RSBN1L: variants seen among roughly 807,000 people sequenced by gnomAD.
RSBN1L encodes the protein round spermatid basic protein 1 like, also known as lysine-specific demethylase RSBN1L.
A neutral mutation model predicts 67.7 loss-of-function variants in RSBN1L; 30 were observed. The observed-to-expected ratio is 0.44, with a 90% CI of 0.33 to 0.60. The LOEUF (loss-of-function observed/expected upper bound fraction) is 0.60, where lower values mean the gene tolerates loss of function less well. Ranked by LOEUF, RSBN1L falls within the 20% of genes least tolerant of loss-of-function variation. The pLI is 0.02. For missense variants in RSBN1L, 992 were observed against 1,031.7 expected (o/e 0.96, Z 0.53); for synonymous variants, 433 against 387.0 (o/e 1.12, Z -1.39).
At chr7:77,721,226 G>GTT (rs551342749) in intron 1 of RSBN1L, among the ~76,000 whole-genome samples, 16 of 141,778 alleles carry the variant, frequency 1.1e-4, no homozygotes, top group African/African-American at 2.3e-4. Flanking sequence ...TGGTAATTTT[G>GTT]TTTTTTTTTT....
intron 1 of RSBN1L, among the ~76,000 whole-genome samples, chr7:77,709,167 T>A (rs1009185128): frequency 8.3e-6 from 1 of 121,040 alleles, no homozygotes; most frequent in Non-Finnish European, 1.7e-5. Context: ...TGTGTGTGTG[T>A]GTGTGTGTGT....
intron 1 of RSBN1L, among the ~76,000 whole-genome samples, chr7:77,728,016 C>G (rs1451889777): frequency 6.6e-6 from 1 of 151,992 alleles, no homozygotes; most frequent in East Asian, 1.9e-4. Context: ...TTTGTCAGGT[C>G]CCCCTTTGTT....
chr7:77,699,796 A>G (rs1016163277), intron 1 of RSBN1L, among the ~76,000 whole-genome samples: 1 of 142,692 alleles, frequency 7.0e-6, no homozygotes, highest in African/African-American at 2.6e-5. Context: ...AACAGTTTAG[A>G]TTTTTTTTTT....
chr7:77,728,178 ACTC>A (rs1460908489), intron 1 of RSBN1L, among the ~76,000 whole-genome samples: 10 of 151,630 alleles, frequency 6.6e-5, no homozygotes, highest in African/African-American at 2.4e-4. Context: ...TTTGTTTACT[ACTC>A]CCTAGTTTAC....
At chr7:77,721,572 G>C (rs564128061) in intron 1 of RSBN1L, among the ~76,000 whole-genome samples, 13 of 152,304 alleles carry the variant, frequency 8.5e-5, no homozygotes, top group African/African-American at 3.1e-4. Flanking sequence ...AATCTTACAG[G>C]ATGTGTAGGA....
At chr7:77,701,023 C>T (rs190463238) in intron 1 of RSBN1L, among the ~76,000 whole-genome samples, 30 of 151,908 alleles carry the variant, frequency 2.0e-4, no homozygotes, top group African/African-American at 7.0e-4. Flanking sequence ...CCGGGTGTGG[C>T]GGCACGCACC....
At chr7:77,723,944 AT>A (rs10718037) in intron 1 of RSBN1L, among the ~76,000 whole-genome samples, 85,378 of 149,178 alleles carry the variant, frequency 0.57, 26,036 homozygotes, top group African/African-American at 0.81. Flanking sequence ...CAAAAAAAAA[AT>A]TTTTTTTTTT....
intron 1 of RSBN1L, among the ~76,000 whole-genome samples, chr7:77,732,814 T>G (rs1247967074): frequency 6.6e-6 from 1 of 152,220 alleles, no homozygotes; most frequent in Non-Finnish European, 1.5e-5. Flanking sequence ...TGCCTCAGTA[T>G]GTATTTTCTA....
Position 77,778,996 on chromosome 7 carries a change from T to G in RSBN1L, c.2369T>G (p.Leu790Trp). The G allele has an allele frequency of 1.2e-6, 2 of 1,614,028 alleles. No individual in the cohort carries two copies. The highest frequency in any genetic ancestry group is 1.1e-5 in the South Asian group (1 of 91,078). ...GATGGCAAGAATGTTAAAGCAAAAT[T>G]GGATCATGTTCAATTTGCAGAATTT... ...NMDGKNVKAK[L>W]DHVQFAEFKI... is the part of the protein sequence containing the mutation. The change falls in exon 8 of 8, where the codon TTG becomes TGG. Residue 790 changes from leucine to tryptophan, a missense_variant. By Grantham distance (61) the Leu-to-Trp change is moderately conservative. This residue lies in a region of RSBN1L where 199 missense variants were observed against 167.7 expected (regional missense o/e 1.19). Transcript: ENST00000334955.
chr7:77,716,716 C>G (rs1203745787), intron 1 of RSBN1L, among the ~76,000 whole-genome samples: 6 of 142,114 alleles, frequency 4.2e-5, no homozygotes, highest in Non-Finnish European at 3.0e-5. Flanking sequence ...ACTGCAGTCT[C>G]CGCCTCCTGT....
chr7:77,710,899 C>T (rs1253574204), intron 1 of RSBN1L, among the ~76,000 whole-genome samples: 4 of 152,060 alleles, frequency 2.6e-5, no homozygotes, highest in Non-Finnish European at 2.9e-5. Flanking sequence ...GCCTTCTTTC[C>T]TTCATTTTAG....
chr7:77,780,614 G>A lies in RSBN1L; in HGVS notation c.*1446G>A, dbSNP rs1047667255. The A allele has an allele frequency of 6.6e-6, 1 of 152,130 alleles. No homozygotes were observed. Among genetic ancestry groups the A allele is most frequent in the Non-Finnish European group, 1.5e-5 (1 of 68,012 alleles). 9.4% of individuals were successfully genotyped at this position (152,130 alleles called of 1,614,324 possible). ...AGAAAAATATGGCAAATACAAAACT[G>A]TAAAATAAGGGCAATGACAATGACT... On this transcript the variant is annotated 3_prime_UTR_variant, in exon 8 of 8. Transcript: ENST00000334955.
intron 4 of RSBN1L, among the ~76,000 whole-genome samples, chr7:77,767,040 T>C (rs1251838337): frequency 7.4e-6 from 1 of 134,536 alleles, no homozygotes; most frequent in Non-Finnish European, 1.6e-5. Flanking sequence ...CCCTTTCCCC[T>C]TCCCTTCCCC....
chr7:77,703,477 G>GTTTTTTTTTTTT lies in RSBN1L; in HGVS notation c.586+6441_586+6452dup, dbSNP rs71529102. 1.5e-4 allele frequency among the ~76,000 whole-genome samples: 9 copies of GTTTTTTTTTTTT among 61,604 alleles called. 1 individual carries two copies. Among genetic ancestry groups the GTTTTTTTTTTTT allele is most frequent in the Non-Finnish European group, 2.2e-4 (8 of 36,134 alleles). 40.4% of individuals were successfully genotyped at this position (61,604 alleles called of 152,430 possible). On this transcript the variant is annotated intron_variant, in intron 1 of 7. Transcript: ENST00000334955. ...GTGTCTCTTTTTTCCTACTGTTTGG[G>GTTTTTTTTTTTT]TTTTTTTTTTTTTTTTTTTTTTTTT...
intron 5 of RSBN1L, 42 bp from the exon 6 acceptor site, chr7:77,773,103 TAA>T: frequency 9.4e-7 from 1 of 1,066,328 alleles, no homozygotes; most frequent in Non-Finnish European, 1.3e-6. Flanking sequence ...TGATAGCAAT[TAA>T]GTGTCACTAT....
rs575702439 is a variant in RSBN1L, at chr7:77,769,640, T to C, written c.1625+837T>C. 6.6e-5 allele frequency among the ~76,000 whole-genome samples: 10 copies of C among 152,304 alleles called. No individual in the cohort carries two copies. In the South Asian group the frequency reaches 8.3e-4, roughly 13 times the overall value. ...TCAACAATGAGGTTCAAAATTATGA[T>C]AGACTGGACTAAGACATTTGGAACT... is the stretch of plus-strand genomic sequence containing the variant. On this transcript the variant is annotated intron_variant, in intron 5 of 7. Coordinates refer to ENST00000334955, the MANE Select transcript of RSBN1L (RefSeq NM_198467.3).
intron 1 of RSBN1L, among the ~76,000 whole-genome samples, chr7:77,701,927 A>G (rs1004550972): frequency 2.6e-5 from 4 of 151,944 alleles, no homozygotes; most frequent in Non-Finnish European, 5.9e-5. Context: ...TGCTGGGGTT[A>G]TAGGCGTGAG....
At chr7:77,717,225 G>C (rs527463117) in intron 1 of RSBN1L, among the ~76,000 whole-genome samples, 13 of 152,288 alleles carry the variant, frequency 8.5e-5, no homozygotes, top group Middle Eastern at 3.4e-3. Flanking sequence ...ACAGGCGTCA[G>C]CCACTGTGCC....
At chr7:77,704,424 T>C (rs1456479832) in intron 1 of RSBN1L, among the ~76,000 whole-genome samples, 1 of 152,234 alleles carries the variant, frequency 6.6e-6, no homozygotes, top group Non-Finnish European at 1.5e-5. Flanking sequence ...TTGTATGTTT[T>C]ATTTTTTCTT....
Sources: gnomAD v4.1 joint callset for allele counts (sites outside exome capture counted in the v4.1 genomes callset) on GRCh38, gnomAD v4.1.1 for gene constraint, gnomAD v4.1.1 regional missense constraint, MANE v1.5 for transcripts, NCBI Gene and HGNC (gene_info 2026-07-23, HGNC 2026-07-21) for gene names.